The following CAP2 variants were observed in gnomAD, a reference collection of about 807,000 sequenced individuals.
CAP2 encodes the protein cyclase associated actin cytoskeleton regulatory protein 2.
Under a neutral mutation model 57.7 loss-of-function variants are expected in CAP2, and 24 were observed. The ratio of observed to expected loss-of-function variants is 0.42; its 90% confidence interval spans 0.30 to 0.58. CAP2 has a LOEUF of 0.58. Ranked by LOEUF, CAP2 falls within the 20% of genes least tolerant of loss-of-function variation. The pLI is 0.22. For missense variants in CAP2, 501 were observed against 590.3 expected (o/e 0.85, Z 1.57); for synonymous variants, 194 against 207.2 (o/e 0.94, Z 0.55).
intron 3 of CAP2, among the ~76,000 whole-genome samples, chr6:17,445,775 T>TA (rs1269483086): frequency 3.9e-5 from 6 of 152,340 alleles, no homozygotes; most frequent in Middle Eastern, 3.4e-3. Flanking sequence ...AATTATTTCT[T>TA]AGAAACTTGG....
rs144676206 is a variant in CAP2 at position 17,537,458 on chromosome 6, A to C, written c.637-1811A>C. 2.1e-3 allele frequency among the ~76,000 whole-genome samples: 323 copies of C among 152,222 alleles called. 1 individual carries two copies. Among genetic ancestry groups the C allele is most frequent in the African/African-American group, 7.1e-3 (297 of 41,546 alleles). On this transcript the variant is annotated intron_variant, in intron 7 of 12. Coordinates refer to ENST00000229922, the MANE Select transcript of CAP2 (RefSeq NM_006366.3). ...CGATCTACCCTTCTCGGCTTCCCAA[A>C]GTGCTAGGATTACAGGCATGAGCCA...
At chr6:17,496,033 G>GGGGGT (rs1761661029) in intron 4 of CAP2, among the ~76,000 whole-genome samples, 1 of 126,686 alleles carries the variant, frequency 7.9e-6, no homozygotes, top group African/African-American at 3.3e-5. Flanking sequence ...TGGGTGGGGG[G>GGGGGT]GGGGGGTAAG....
At chr6:17,456,826 C>A (rs910043) in intron 3 of CAP2, among the ~76,000 whole-genome samples, 20,514 of 152,142 alleles carry the variant, frequency 0.13, 4,472 homozygotes, top group African/African-American at 0.46. Context: ...CCTTTCCCCC[C>A]GTTGTGCCTG....
At position 17,544,752 on chromosome 6, in the gene CAP2, G is replaced by A. The variant is rs184077212; in HGVS notation, c.1209+1609G>A. Among the ~76,000 whole-genome samples the A allele has an allele frequency of 1.7e-4, 26 of 152,142 alleles. No homozygotes were observed. The East Asian group carries it at 1.9e-3, about 11-fold the overall frequency. ...GAATATTTAATAGAGACAGGGTTTC[G>A]CCATATTGGGCAGGCTGGTCTCAAA... On this transcript the variant is annotated intron_variant, in intron 11 of 12. Coordinates refer to ENST00000229922, the MANE Select transcript of CAP2 (RefSeq NM_006366.3).
At chr6:17,542,385 T>G (rs12660395) in intron 9 of CAP2, among the ~76,000 whole-genome samples, 14,641 of 152,192 alleles carry the variant, frequency 0.096, 785 homozygotes, top group East Asian at 0.23. Flanking sequence ...CTCCTGCTGA[T>G]CTGGAGGGCT....
At position 17,513,038 on chromosome 6, in the gene CAP2, T is replaced by C. The variant is rs1762194351; in HGVS notation, c.531-811T>C. ...TTGCATTTACCTTGACTTCTATAAG[T>C]GAGAAAAAATATATTATAGGTAAAA... is the stretch of plus-strand genomic sequence containing the variant. On this transcript the variant is annotated intron_variant, in intron 6 of 12. Coordinates refer to ENST00000229922, the MANE Select transcript of CAP2 (RefSeq NM_006366.3). The surrounding 1 kb of genome is among the most constrained non-coding windows in gnomAD (Gnocchi z 4.3). Among the ~76,000 whole-genome samples, 1 of 152,184 alleles carries C rather than the reference T, an allele frequency of 6.6e-6. No individual in the cohort carries two copies. Among genetic ancestry groups the C allele is most frequent in the Non-Finnish European group, 1.5e-5 (1 of 68,032 alleles).
intron 7 of CAP2, among the ~76,000 whole-genome samples, chr6:17,523,027 C>A (rs1762425592): frequency 1.3e-5 from 2 of 152,162 alleles, no homozygotes; most frequent in Non-Finnish European, 2.9e-5. Flanking sequence ...AGCCACCGTA[C>A]CCAGCCTGCA....
intron 7 of CAP2, among the ~76,000 whole-genome samples, chr6:17,535,629 T>G (rs1019236279): frequency 4.6e-5 from 7 of 151,788 alleles, no homozygotes; most frequent in Non-Finnish European, 1.5e-5. Context: ...TGAAGAAGGC[T>G]TTAGAATCAA....
intron 7 of CAP2, among the ~76,000 whole-genome samples, chr6:17,534,087 A>G (rs1463233522): frequency 6.6e-6 from 1 of 152,080 alleles, no homozygotes; most frequent in Non-Finnish European, 1.5e-5. Flanking sequence ...TCAGTTCTCA[A>G]CTTCACTTTC....
intron 4 of CAP2, 78 bp downstream of exon 4, chr6:17,463,151 A>G: frequency 9.9e-7 from 1 of 1,007,870 alleles, no homozygotes; most frequent in East Asian, 2.4e-5. Context: ...CAACAGAAGC[A>G]TTTATTATAG....
In CAP2 at chr6:17,507,162, C is replaced by CT; in HGVS notation, c.301-5dup. ...AGTAAAAGCCCCCGATGTTTGACTGCTTACAGAATGACGTGGCCGCACTTC... is the reference window on the plus strand; with the variant it reads ...AGTAAAAGCCCCCGATGTTTGACTGCTTTACAGAATGACGTGGCCGCACTTC... On this transcript the variant is annotated splice_polypyrimidine_tract_variant and splice_region_variant and intron_variant, in intron 4 of 12. Coordinates refer to ENST00000229922, the MANE Select transcript of CAP2 (RefSeq NM_006366.3). 18 of 1,614,136 alleles carry CT rather than the reference C, an allele frequency of 1.1e-5. No homozygotes were observed. The highest frequency in any genetic ancestry group is 1.4e-5 in the Non-Finnish European group (17 of 1,179,994).
intron 4 of CAP2, among the ~76,000 whole-genome samples, chr6:17,475,279 G>A (rs1305073020): frequency 2.0e-5 from 3 of 152,034 alleles, no homozygotes; most frequent in Admixed American, 6.6e-5. Flanking sequence ...GGACATTGTC[G>A]TTTGGTGATG....
chr6:17,412,371 A>G (rs1405264158), intron 1 of CAP2, among the ~76,000 whole-genome samples: 2 of 152,172 alleles, frequency 1.3e-5, no homozygotes, highest in Admixed American at 6.5e-5. Flanking sequence ...TAAGCCACTG[A>G]ATGAGGAAGA....
chr6:17,437,013 T>C (rs1436883783), intron 3 of CAP2, among the ~76,000 whole-genome samples: 1 of 152,192 alleles, frequency 6.6e-6, no homozygotes, highest in Non-Finnish European at 1.5e-5. Context: ...CCTTATGATC[T>C]GTCACTGTCT....
rs1464199846 is a variant in CAP2 at position 17,481,913 on chromosome 6, CCTTT to C, written c.300+18843_300+18846del. Among the ~76,000 whole-genome samples the C allele has an allele frequency of 8.4e-4, 128 of 152,228 alleles. 1 individual carries two copies. The highest frequency in any genetic ancestry group is 1.8e-4 in the Non-Finnish European group (12 of 68,018). On this transcript the variant is annotated intron_variant, in intron 4 of 12. Coordinates refer to ENST00000229922, the MANE Select transcript of CAP2 (RefSeq NM_006366.3). ...TGATCACTTTAAAGCTTTGCCTTGG[CCTTT>C]CTATTTCTTTAAGGTGACAGACATG... is the stretch of plus-strand genomic sequence containing the variant.
intron 7 of CAP2, among the ~76,000 whole-genome samples, chr6:17,522,403 C>T (rs750864159): frequency 5.9e-5 from 9 of 152,114 alleles, no homozygotes; most frequent in East Asian, 1.9e-4. Context: ...ACAGTTCTTC[C>T]GTGAAGCAGC....
chr6:17,463,338 C>T (rs1249117480), intron 4 of CAP2, among the ~76,000 whole-genome samples: 1 of 151,190 alleles, frequency 6.6e-6, no homozygotes, highest in Non-Finnish European at 1.5e-5. Context: ...CTTCTTACTA[C>T]TAATATATCA....
At chr6:17,447,996 G>A (rs1475051558) in intron 3 of CAP2, among the ~76,000 whole-genome samples, 1 of 152,196 alleles carries the variant, frequency 6.6e-6, no homozygotes, top group East Asian at 1.9e-4. Flanking sequence ...AGTAATTACT[G>A]AGCTTCTGTT....
At chr6:17,461,351 C>A (rs1760716112) in intron 3 of CAP2, among the ~76,000 whole-genome samples, 1 of 152,036 alleles carries the variant, frequency 6.6e-6, no homozygotes, top group African/African-American at 2.4e-5. Context: ...CTCAGCCTCC[C>A]AAATAGCTGG....
Sources: allele counts gnomAD v4.1 joint callset (sites outside exome capture counted in the v4.1 genomes callset), GRCh38; gene constraint gnomAD v4.1.1; non-coding constraint Gnocchi (gnomAD v3.1); transcripts MANE v1.5; gene names NCBI Gene and HGNC (gene_info 2026-07-23, HGNC 2026-07-21).